CTSS: variants seen among roughly 807,000 people sequenced by gnomAD.
CTSS encodes the protein cathepsin S.
A neutral mutation model predicts 39.9 loss-of-function variants in CTSS; 15 were observed. The observed-to-expected ratio is 0.38, with a 90% CI of 0.25 to 0.58. The LOEUF is 0.58. Ranked by LOEUF, CTSS falls within the 20% of genes least tolerant of loss-of-function variation. The pLI is 0.70. For missense variants in CTSS, 250 were observed against 398.2 expected, an observed-to-expected ratio of 0.63 and a Z score of 3.17; for synonymous variants, 126 against 138.2, an observed-to-expected ratio of 0.91 and a Z score of 0.62.
intron 7 of CTSS, among the ~76,000 whole-genome samples, chr1:150,740,266 A>G (rs1652721591): frequency 6.6e-6 from 1 of 152,260 alleles, no homozygotes; most frequent in Non-Finnish European, 1.5e-5. Flanking sequence ...AAGCTTAGGA[A>G]TTAGAGAAAC....
At chr1:150,734,747 C>T (rs1652598659) in intron 7 of CTSS, among the ~76,000 whole-genome samples, 1 of 152,116 alleles carries the variant, frequency 6.6e-6, no homozygotes, top group Non-Finnish European at 1.5e-5. Context: ...GACATAATCT[C>T]TATTTTAAGG....
Position 150,758,024 on chromosome 1 carries a change from C to A in CTSS, c.127-44G>T, listed in dbSNP as rs1318857939. On this transcript the variant is annotated intron_variant, in intron 2 of 7. Coordinates refer to ENST00000368985, the MANE Select transcript of CTSS (RefSeq NM_004079.5). ...GAACATAGTCATACTGCATCCTGGACAAATAAGTGTTTGATGATGAAAATG... is the reference window on the plus strand; with the variant it reads ...GAACATAGTCATACTGCATCCTGGAAAAATAAGTGTTTGATGATGAAAATG... 5.2e-5 allele frequency: 80 copies of A among 1,552,348 alleles called. No individual in the cohort carries two copies. In the Admixed American group the frequency reaches 6.2e-4, roughly 12 times the overall value.
chr1:150,752,079 G>A (rs1653019834), intron 4 of CTSS, 71 bp from the exon 5 acceptor site: 4 of 1,478,750 alleles, frequency 2.7e-6, no homozygotes, highest in Non-Finnish European at 1.9e-6. Flanking sequence ...AACCCAAACT[G>A]GACAACGCTC....
At chr1:150,760,748 T>A (rs1653237391) in intron 2 of CTSS, among the ~76,000 whole-genome samples, 1 of 151,850 alleles carries the variant, frequency 6.6e-6, no homozygotes, top group Admixed American at 6.6e-5. Context: ...CCAGGTGTGG[T>A]GGCATGTGCC....
intron 6 of CTSS, among the ~76,000 whole-genome samples, 193 bp downstream of exon 6, chr1:150,749,813 C>G (rs1652972692): frequency 6.6e-6 from 1 of 151,424 alleles, no homozygotes. Context: ...CCATATCCGG[C>G]TAATTTTTAT....
Position 150,754,990 on chromosome 1 carries a change from G to C in CTSS, c.399+11C>G. 2 of 1,612,230 alleles carry C rather than the reference G, an allele frequency of 1.2e-6. No individual in the cohort carries two copies. The highest frequency in any genetic ancestry group is 1.7e-6 in the Non-Finnish European group (2 of 1,178,878). ...ACCTAGGGTTCAGAGGCTTGGGATG[G>C]TAATACTCACTTGATATTTCACTTC... On this transcript the variant is annotated intron_variant, in intron 4 of 7. Transcript: ENST00000368985.
rs1321852414 is a variant in CTSS, at chr1:150,764,782, A to G, written c.-1-18T>C. 1 of 1,612,434 alleles carries G rather than the reference A, an allele frequency of 6.2e-7. No individual in the cohort carries two copies. Among genetic ancestry groups the G allele is most frequent in the Non-Finnish European group, 8.5e-7 (1 of 1,178,824 alleles). On this transcript the variant is annotated intron_variant, in intron 1 of 7. Coordinates refer to ENST00000368985, the MANE Select transcript of CTSS (RefSeq NM_004079.5). The stretch of plus-strand genomic sequence containing the variant: ...GTTTCATTCTGTGTAAGGAAAGGTA[A>G]CATAGGAAGTGTTGCTATTAGCTGC...
chr1:150,764,834 A>G, intron 1 of CTSS, 70 bp from the exon 2 acceptor site: 1 of 1,561,342 alleles, frequency 6.4e-7, no homozygotes, highest in South Asian at 1.1e-5. Flanking sequence ...TGTTTTCATA[A>G]GAGAAAATAA....
intron 6 of CTSS, among the ~76,000 whole-genome samples, chr1:150,748,637 G>T (rs1316953565): frequency 6.6e-6 from 1 of 150,754 alleles, no homozygotes; most frequent in Non-Finnish European, 1.5e-5. Context: ...CTGTAATACA[G>T]GTGGTATGAT....
At chr1:150,734,566 G>T (rs1652594129) in intron 7 of CTSS, among the ~76,000 whole-genome samples, 1 of 152,004 alleles carries the variant, frequency 6.6e-6, no homozygotes, top group Non-Finnish European at 1.5e-5. Flanking sequence ...GCTTGAACCT[G>T]GGAGGCAAGG....
chr1:150,746,340 C>A (rs1171551728), intron 7 of CTSS, among the ~76,000 whole-genome samples: 3 of 152,108 alleles, frequency 2.0e-5, no homozygotes, highest in Non-Finnish European at 4.4e-5. Flanking sequence ...ATATTTCCTC[C>A]ATTTTTTCCC....
intron 7 of CTSS, among the ~76,000 whole-genome samples, chr1:150,734,834 C>T (rs1422755366): frequency 6.6e-6 from 1 of 152,070 alleles, no homozygotes; most frequent in Non-Finnish European, 1.5e-5. Flanking sequence ...TTTACCAAGA[C>T]TGATGAAAAA....
chr1:150,751,677 C>T (rs1352619078), intron 5 of CTSS, 104 bp downstream of exon 5: 12 of 966,218 alleles, frequency 1.2e-5, no homozygotes, highest in Non-Finnish European at 1.8e-5. Context: ...CTCTCACACA[C>T]AATACTGCTT....
chr1:150,736,849 A>C (rs1652645405), intron 7 of CTSS, among the ~76,000 whole-genome samples: 1 of 152,192 alleles, frequency 6.6e-6, no homozygotes. Flanking sequence ...GATCTGCTCC[A>C]AATGTTCATT....
At position 150,751,914 on chromosome 1, in the gene CTSS, T is replaced by TG; in HGVS notation, c.493dup (p.Gln165ProfsTer9). The TG allele has an allele frequency of 1.2e-6, 2 of 1,614,244 alleles. No individual in the cohort carries two copies. Among genetic ancestry groups the TG allele is most frequent in the Non-Finnish European group, 1.7e-6 (2 of 1,180,052 alleles). On this transcript the variant is annotated frameshift_variant, in exon 5 of 8. Transcript: ENST00000368985. LOFTEE classifies it high-confidence loss of function. ...TTCAGTTGAGCAATCCACCAGGTTC[T>TG]GGGCACTGAGAGACACCAGCTTTCC...
intron 2 of CTSS, among the ~76,000 whole-genome samples, chr1:150,760,880 CAAA>C (rs56889122): frequency 1.7e-5 from 2 of 116,996 alleles, no homozygotes; most frequent in Non-Finnish European, 1.8e-5. Context: ...GATCTCATCT[CAAA>C]AAAAAAAAAA....
chr1:150,755,077 T>C lies in CTSS; in HGVS notation c.323A>G (p.Lys108Arg). The C allele has an allele frequency of 3.7e-6, 6 of 1,614,184 alleles. No homozygotes were observed. The highest frequency in any genetic ancestry group is 4.2e-6 in the Non-Finnish European group (5 of 1,180,012). Reference sequence around the variant, plus strand: ...AGGCAATATCCGATTAGGGTTTGACTTATATGTGATATTTCTCTGCCACTG... The same window carrying C: ...AGGCAATATCCGATTAGGGTTTGACCTATATGTGATATTTCTCTGCCACTG... ...PSQWQRNITY[K>R]SNPNRILPDS... Residue 108 changes from lysine (K) to arginine (R), a missense_variant, in exon 4 of 8, where the codon AAG becomes AGG. Lys to Arg is a conservative substitution (Grantham distance 26, BLOSUM62 2). Coordinates refer to ENST00000368985, the MANE Select transcript of CTSS (RefSeq NM_004079.5).
At chr1:150,744,429 A>G (rs1292346211) in intron 7 of CTSS, among the ~76,000 whole-genome samples, 1 of 32,584 alleles carries the variant, frequency 3.1e-5, no homozygotes, top group African/African-American at 8.4e-5. Flanking sequence ...ATGTATACAT[A>G]ATATTTATAT....
At chr1:150,758,224 A>G (rs1653175731) in intron 2 of CTSS, among the ~76,000 whole-genome samples, 2 of 151,872 alleles carry the variant, frequency 1.3e-5, no homozygotes, top group South Asian at 2.1e-4. Flanking sequence ...TAATTTTTGT[A>G]TTTTTAGTAG....
Sources: allele counts gnomAD v4.1 joint callset (sites outside exome capture counted in the v4.1 genomes callset), GRCh38; gene constraint gnomAD v4.1.1; transcripts MANE v1.5; gene names NCBI Gene and HGNC (gene_info 2026-07-23, HGNC 2026-07-21).